Variants in NEGR1 observed in about 807,000 individuals in gnomAD.
NEGR1 encodes IgLON family member 4.
A neutral mutation model predicts 40.9 loss-of-function variants in NEGR1; 10 were observed. The observed-to-expected ratio is 0.24, with a 90% CI of 0.15 to 0.42. NEGR1 has a LOEUF of 0.42. NEGR1 is among the 10% of genes least tolerant of loss of function. The pLI is 1.00. For synonymous variants in NEGR1, 185 were observed against 166.8 expected, an observed-to-expected ratio of 1.11 and a Z score of -0.84; for missense variants, 352 against 438.9, an observed-to-expected ratio of 0.80 and a Z score of 1.77.
chr1:72,004,519 A>G (rs1646588503), intron 1 of NEGR1, among the ~76,000 whole-genome samples: 1 of 152,114 alleles, frequency 6.6e-6, no homozygotes, highest in East Asian at 1.9e-4. Flanking sequence ...CCTGGCCTCA[A>G]GTGATCTGCC....
intron 6 of NEGR1, among the ~76,000 whole-genome samples, chr1:71,457,697 CCTTTTT>C (rs1376044122): frequency 1.3e-5 from 2 of 152,070 alleles, no homozygotes; most frequent in East Asian, 1.9e-4. Context: ...TATTAGTTTT[CCTTTTT>C]CTTTTTCTTT....
chr1:72,066,154 A>C (rs1647266703), intron 1 of NEGR1, among the ~76,000 whole-genome samples: 1 of 152,154 alleles, frequency 6.6e-6, no homozygotes, highest in Admixed American at 6.6e-5. Flanking sequence ...ATTGCATTTA[A>C]AGATATTTAT....
chr1:71,660,898 T>C (rs1159227005), intron 4 of NEGR1, among the ~76,000 whole-genome samples: 1 of 152,194 alleles, frequency 6.6e-6, no homozygotes, highest in Non-Finnish European at 1.5e-5. Context: ...CCCCTCTCTG[T>C]GCCCATATGA....
At chr1:71,520,788 G>A (rs1307161343) in intron 6 of NEGR1, among the ~76,000 whole-genome samples, 1 of 151,962 alleles carries the variant, frequency 6.6e-6, no homozygotes, top group Admixed American at 6.6e-5. Context: ...GCTGGGGCAG[G>A]GAAAGACAAT....
intron 2 of NEGR1, among the ~76,000 whole-genome samples, chr1:71,827,601 A>G (rs1658678665): frequency 6.6e-6 from 1 of 151,958 alleles, no homozygotes; most frequent in Admixed American, 6.6e-5. Context: ...ATTGTTCTCA[A>G]CTGAGAAAAT....
At chr1:71,806,122 C>T (rs1464661177) in intron 2 of NEGR1, among the ~76,000 whole-genome samples, 2 of 152,002 alleles carry the variant, frequency 1.3e-5, no homozygotes, top group African/African-American at 4.8e-5. Flanking sequence ...TCACAATAAA[C>T]AAAACCTTTG....
intron 1 of NEGR1, among the ~76,000 whole-genome samples, chr1:71,957,347 G>A (rs1364096637): frequency 1.3e-5 from 2 of 152,110 alleles, no homozygotes; most frequent in Non-Finnish European, 2.9e-5. Flanking sequence ...TTCAGGTAAA[G>A]TGAAACTCTA....
Position 71,858,228 on chromosome 1 carries a change from A to G in NEGR1, c.409+76851T>C, listed in dbSNP as rs183780614. Among the ~76,000 whole-genome samples, 442 of 152,148 alleles carry G rather than the reference A, an allele frequency of 2.9e-3. 3 individuals are homozygous for G. Among genetic ancestry groups the G allele is most frequent in the Non-Finnish European group, 2.4e-3 (160 of 67,962 alleles). On this transcript the variant is annotated intron_variant, in intron 2 of 6. Coordinates refer to ENST00000357731, the MANE Select transcript of NEGR1 (RefSeq NM_173808.3). ...CTTCTCCTACACTTATCCAAAGCTC[A>G]CAGTGAAATATGCTGTTCTCATTTT...
chr1:71,440,973 T>C (rs1276984758), intron 6 of NEGR1, among the ~76,000 whole-genome samples: 1 of 152,146 alleles, frequency 6.6e-6, no homozygotes, highest in Admixed American at 6.5e-5. Context: ...CAAAACAGGA[T>C]AAAGCAATCA....
intron 3 of NEGR1, among the ~76,000 whole-genome samples, chr1:71,713,436 A>T (rs1324898305): frequency 2.6e-5 from 4 of 152,206 alleles, no homozygotes; most frequent in African/African-American, 9.7e-5. Flanking sequence ...AAATGAAGGG[A>T]AATATACTTT....
At chr1:72,226,143 T>C (rs1164421064) in intron 1 of NEGR1, among the ~76,000 whole-genome samples, 1 of 151,894 alleles carries the variant, frequency 6.6e-6, no homozygotes, top group Admixed American at 6.6e-5. Context: ...GATCTAAACT[T>C]TTTGGAAACA....
At chr1:71,649,694 T>C (rs1226577978) in intron 4 of NEGR1, among the ~76,000 whole-genome samples, 4 of 152,168 alleles carry the variant, frequency 2.6e-5, no homozygotes, top group Non-Finnish European at 4.4e-5. Context: ...ACAATGAACT[T>C]ATATTACATA....
intron 4 of NEGR1, among the ~76,000 whole-genome samples, chr1:71,681,645 C>A (rs765964014): frequency 5.9e-5 from 9 of 152,146 alleles, no homozygotes; most frequent in Non-Finnish European, 1.2e-4. Flanking sequence ...TTAAAATAAA[C>A]CTGGAAAACT....
intron 6 of NEGR1, among the ~76,000 whole-genome samples, chr1:71,531,005 A>G (rs1428002858): frequency 6.6e-6 from 1 of 151,280 alleles, no homozygotes; most frequent in Non-Finnish European, 1.5e-5. Flanking sequence ...AATTTTCATA[A>G]TAACTCCATG....
chr1:71,578,306 T>C (rs552064792), intron 6 of NEGR1, among the ~76,000 whole-genome samples: 8 of 152,224 alleles, frequency 5.3e-5, no homozygotes, highest in Non-Finnish European at 7.4e-5. Context: ...ACAACTAACA[T>C]GCAAAGGCAA....
chr1:71,765,576 C>A (rs925858246), intron 3 of NEGR1, among the ~76,000 whole-genome samples: 1 of 151,952 alleles, frequency 6.6e-6, no homozygotes, highest in East Asian at 1.9e-4. Context: ...ATCTAATATG[C>A]CTCCACATCT....
At chr1:71,898,161 T>G (rs1219572574) in intron 2 of NEGR1, among the ~76,000 whole-genome samples, 2 of 152,232 alleles carry the variant, frequency 1.3e-5, no homozygotes, top group Non-Finnish European at 2.9e-5. Context: ...ATGACATTAC[T>G]GAAGTCAGTC....
intron 6 of NEGR1, among the ~76,000 whole-genome samples, chr1:71,537,929 T>G (rs567104374): frequency 6.6e-6 from 1 of 151,624 alleles, no homozygotes; most frequent in Non-Finnish European, 1.5e-5. Context: ...TGGGTCTTAT[T>G]ATGTGGAGAA....
At chr1:72,259,412 A>C (rs935720378) in intron 1 of NEGR1, among the ~76,000 whole-genome samples, 1 of 151,978 alleles carries the variant, frequency 6.6e-6, no homozygotes, top group Non-Finnish European at 1.5e-5. Context: ...CTATACATTG[A>C]TATTTATTAT....
Sources: allele counts gnomAD v4.1 joint callset (sites outside exome capture counted in the v4.1 genomes callset), GRCh38; gene constraint gnomAD v4.1.1; transcripts MANE v1.5; gene names NCBI Gene and HGNC (gene_info 2026-07-23, HGNC 2026-07-21).